RHOBTB2: variants seen among roughly 807,000 people sequenced by gnomAD.
The protein encoded by RHOBTB2 is rho-related BTB domain-containing protein 2.
RHOBTB2 carries 39 observed loss-of-function variants against 66.5 expected under a neutral mutation model. The ratio of observed to expected loss-of-function variants is 0.59; its 90% CI spans 0.45 to 0.77. The LOEUF is 0.77. Among genes scored for constraint, RHOBTB2 ranks in the 30% least tolerant of loss-of-function variants. The pLI is 0.00. For synonymous variants in RHOBTB2, 390 were observed against 395.0 expected (o/e 0.99, Z 0.15); for missense variants, 755 against 999.1 (o/e 0.76, Z 3.29).
upstream of RHOBTB2, among the ~76,000 whole-genome samples, chr8:22,998,485 G>A (rs1810643109): frequency 6.6e-6 from 1 of 152,152 alleles, no homozygotes; most frequent in South Asian, 2.1e-4. Flanking sequence ...TGTAATCCTA[G>A]TACTTTGGGA....
chr8:22,987,775 C>T (rs986516627), intron 1 of RHOBTB2, among the ~76,000 whole-genome samples: 2 of 152,170 alleles, frequency 1.3e-5, no homozygotes, highest in Admixed American at 6.5e-5. Context: ...CATCAAGGTG[C>T]GGTGGCCCCT....
chr8:22,977,743 G>A, the RHOBTB2 span: 6 of 152,114 alleles, frequency 3.9e-5, no homozygotes, highest in African/African-American at 1.2e-4. Context: ...ATAAAAATGT[G>A]TGGGGACATA....
intron 7 of RHOBTB2, among the ~76,000 whole-genome samples, chr8:23,012,799 TTTTA>T (rs955066340): frequency 9.9e-5 from 15 of 152,016 alleles, no homozygotes; most frequent in African/African-American, 3.1e-4. Flanking sequence ...TTAAATTTAT[TTTTA>T]TTTATTTATT....
At chr8:22,994,740 T>G, upstream of RHOBTB2, 3 of 856,876 alleles carry the variant, frequency 3.5e-6, no homozygotes, top group Non-Finnish European at 5.7e-6. Flanking sequence ...AGCACTAGAC[T>G]GCAAGCACTA....
rs977990123 is a variant in RHOBTB2, at chr8:23,018,542, G to T, written c.*1073G>T. ...TCCAATGCCTTTCAGGAAAGGACTC[G>T]GCACTTCTCTGACTGCGGAGGCCCT... is the stretch of plus-strand genomic sequence containing the variant. On this transcript the variant is annotated 3_prime_UTR_variant, in exon 10 of 10. Transcript: ENST00000251822. 1 of 152,284 alleles carries T rather than the reference G, an allele frequency of 6.6e-6. No individual in the cohort carries two copies. 9.4% of individuals were successfully genotyped at this position (152,284 alleles called of 1,614,324 possible).
the RHOBTB2 span, among the ~76,000 whole-genome samples, chr8:22,970,319 G>A: frequency 3.3e-5 from 5 of 152,144 alleles, no homozygotes; most frequent in South Asian, 2.1e-4. Context: ...GAAAGGCCTT[G>A]AACCCATTCA....
Position 23,006,433 on chromosome 8 carries a change from A to C in RHOBTB2, c.482+288A>C. 1.8e-6 allele frequency: 1 copy of C among 560,438 alleles called. No homozygotes were observed. Among genetic ancestry groups the C allele is most frequent in the East Asian group, 2.9e-5 (1 of 34,934 alleles). The allele number at this position is 560,438 out of a possible 1,614,324, so 34.7% of individuals were successfully genotyped here. ...TGCTGAGGGATAAACTAAATATGTGAGCATGTTAAATACCCATGTGAAGCA... is the reference window on the plus strand; with the variant it reads ...TGCTGAGGGATAAACTAAATATGTGCGCATGTTAAATACCCATGTGAAGCA... On this transcript the variant is annotated intron_variant, in intron 4 of 9. Coordinates refer to ENST00000251822, the MANE Select transcript of RHOBTB2 (RefSeq NM_015178.3). The surrounding 1 kb of genome is among the most constrained non-coding windows in gnomAD (Gnocchi z 6.1).
At chr8:22,961,509 A>G in the RHOBTB2 span, among the ~76,000 whole-genome samples, 1 of 151,944 alleles carries the variant, frequency 6.6e-6, no homozygotes, top group Non-Finnish European at 1.5e-5. Context: ...GCTCAGTTAA[A>G]CTCTGCTAAA....
chr8:22,957,897 T>C, the RHOBTB2 span, among the ~76,000 whole-genome samples: 2 of 152,182 alleles, frequency 1.3e-5, no homozygotes, highest in Non-Finnish European at 2.9e-5. Flanking sequence ...TACCCTTATC[T>C]TGTCTCCTGC....
At chr8:22,972,471 G>C in the RHOBTB2 span, among the ~76,000 whole-genome samples, 1 of 152,140 alleles carries the variant, frequency 6.6e-6, no homozygotes, top group East Asian at 1.9e-4. Flanking sequence ...TGTCACCACT[G>C]TCAGCCCTCC....
intron 7 of RHOBTB2, among the ~76,000 whole-genome samples, chr8:23,012,799 T>TTTTA (rs955066340): frequency 2.2e-4 from 33 of 152,018 alleles, no homozygotes; most frequent in African/African-American, 5.5e-4. Context: ...TTAAATTTAT[T>TTTTA]TTTATTTATT....
chr8:23,009,268 T>C (rs1445681501), intron 6 of RHOBTB2, among the ~76,000 whole-genome samples: 1 of 152,086 alleles, frequency 6.6e-6, no homozygotes, highest in Non-Finnish European at 1.5e-5. Flanking sequence ...TCAGTGACCC[T>C]CTAGCTCTCA....
At chr8:22,964,211 C>T in the RHOBTB2 span, among the ~76,000 whole-genome samples, 1 of 152,088 alleles carries the variant, frequency 6.6e-6, no homozygotes, top group Non-Finnish European at 1.5e-5. Context: ...TCAGTCACTT[C>T]CCACCAGGTT....
upstream of RHOBTB2, among the ~76,000 whole-genome samples, chr8:22,998,371 A>T (rs1585184500): frequency 6.6e-6 from 1 of 152,106 alleles, no homozygotes. Flanking sequence ...TCTGGGCTTT[A>T]AAAATTGTCC....
the RHOBTB2 span, among the ~76,000 whole-genome samples, chr8:22,982,388 G>A: frequency 6.9e-4 from 105 of 152,236 alleles, no homozygotes; most frequent in African/African-American, 2.4e-3. Context: ...TGGGGAGGCC[G>A]AGGTCGGTGG....
At chr8:22,951,722 A>T in the RHOBTB2 span, among the ~76,000 whole-genome samples, 1 of 152,134 alleles carries the variant, frequency 6.6e-6, no homozygotes, top group Non-Finnish European at 1.5e-5. Context: ...CAATGGTGGA[A>T]TGTCATCGGT....
At chr8:23,007,781 C>T (rs544481877) in intron 5 of RHOBTB2, 35 bp downstream of exon 5, 1 of 1,601,682 alleles carries the variant, frequency 6.2e-7, no homozygotes, top group Non-Finnish European at 8.5e-7. Context: ...GGGGGTTCTG[C>T]ATTGGTGCTA....
At chr8:23,007,833 T>C in intron 5 of RHOBTB2, 87 bp downstream of exon 5, 1 of 1,541,584 alleles carries the variant, frequency 6.5e-7, no homozygotes, top group Non-Finnish European at 8.9e-7. Context: ...GTCCTGGAGC[T>C]GCGGCTGCCA....
the RHOBTB2 span, among the ~76,000 whole-genome samples, chr8:22,964,217 A>G: frequency 4.6e-5 from 7 of 152,262 alleles, no homozygotes; most frequent in African/African-American, 1.7e-4. Context: ...ACTTCCCACC[A>G]GGTTCCTCCC....
Sources: gnomAD v4.1 joint callset for allele counts (sites outside exome capture counted in the v4.1 genomes callset) on GRCh38, gnomAD v4.1.1 for gene constraint, Gnocchi (gnomAD v3.1) non-coding constraint, MANE v1.5 for transcripts, NCBI Gene and HGNC (gene_info 2026-07-23, HGNC 2026-07-21) for gene names.